ATAD2: variants seen among roughly 807,000 people sequenced by gnomAD.
ATAD2 encodes ATPase family AAA domain-containing protein 2.
In ATAD2, 62 loss-of-function variants were observed where a neutral mutation model predicts 168.9. The ratio of observed to expected loss-of-function variants is 0.37; its 90% CI spans 0.30 to 0.45. ATAD2 has a LOEUF of 0.45. ATAD2 is among the 20% of genes least tolerant of loss of function. ATAD2 has a pLI of 1.00. For missense variants in ATAD2, 1,419 were observed against 1,667.8 expected, an observed-to-expected ratio of 0.85 and a Z score of 2.60; for synonymous variants, 613 against 571.6, an observed-to-expected ratio of 1.07 and a Z score of -1.03.
intron 1 of ATAD2, among the ~76,000 whole-genome samples, chr8:123,389,121 C>T (rs1344454995): frequency 7.3e-6 from 1 of 137,584 alleles, no homozygotes; most frequent in East Asian, 2.3e-4. Flanking sequence ...AGCCTGCTAC[C>T]ACGCCCGGCT....
Position 123,359,689 on chromosome 8 carries a change from T to G in ATAD2, c.1158-4A>C, listed in dbSNP as rs377690267. ...CCGAAAATTTAGTGGGAGGCACCTA[T>G]TTAAAAAGATTTTTTAAAACCACAC... On this transcript the variant is annotated splice_region_variant and splice_polypyrimidine_tract_variant and intron_variant, in intron 9 of 27. Coordinates refer to ENST00000287394, the MANE Select transcript of ATAD2 (RefSeq NM_014109.4). 6.2e-7 allele frequency: 1 copy of G among 1,603,208 alleles called. No individual in the cohort carries two copies. Among genetic ancestry groups the G allele is most frequent in the Non-Finnish European group, 8.5e-7 (1 of 1,172,726 alleles).
At chr8:123,357,865 A>G in intron 11 of ATAD2, 129 bp from the exon 12 acceptor site, 1 of 882,596 alleles carries the variant, frequency 1.1e-6, no homozygotes, top group East Asian at 2.8e-5. Flanking sequence ...GAATTATGGT[A>G]CAGTTTCGCA....
At chr8:123,336,646 A>T in intron 21 of ATAD2, 114 bp from the exon 22 acceptor site, 1 of 789,730 alleles carries the variant, frequency 1.3e-6, no homozygotes, top group South Asian at 3.0e-5. Flanking sequence ...AGAGATTATG[A>T]TAATATATTT....
chr8:123,401,327 C>T, upstream of ATAD2: 3 of 1,372,468 alleles, frequency 2.2e-6, no homozygotes, highest in Non-Finnish European at 3.1e-6. Flanking sequence ...GCTGTGGGCA[C>T]CTGTGAGGAT....
Position 123,320,928 on chromosome 8 carries a change from C to A in ATAD2, c.*206G>T. ...CTATTACTACAGGGTCTTGTTCTAG[C>A]AAAGTTCCAATATTTATCAGTTATC... On this transcript the variant is annotated 3_prime_UTR_variant, in exon 28 of 28. Coordinates refer to ENST00000287394, the MANE Select transcript of ATAD2 (RefSeq NM_014109.4). 1 of 514,968 alleles carries A rather than the reference C, an allele frequency of 1.9e-6. No homozygotes were observed. The highest frequency in any genetic ancestry group is 3.3e-6 in the Non-Finnish European group (1 of 300,876). The allele number at this position is 514,968 out of a possible 1,614,324, so 31.9% of individuals were successfully genotyped here.
intron 1 of ATAD2, among the ~76,000 whole-genome samples, chr8:123,386,716 G>T (rs1829655629): frequency 6.6e-6 from 1 of 152,022 alleles, no homozygotes. Context: ...CCATATTCCT[G>T]AGGATAAAAA....
intron 3 of ATAD2, 151 bp downstream of exon 3, chr8:123,372,486 G>T: frequency 1.7e-6 from 1 of 571,508 alleles, no homozygotes; most frequent in Non-Finnish European, 2.8e-6. Flanking sequence ...CTATCTTATT[G>T]TGGTGATGGC....
At chr8:123,397,239 T>TGAAAAA (rs1563869628), upstream of ATAD2, among the ~76,000 whole-genome samples, 1 of 79,626 alleles carries the variant, frequency 1.3e-5, no homozygotes. Context: ...AGACTCTGTC[T>TGAAAAA]CAAAAAAAAA....
intron 12 of ATAD2, among the ~76,000 whole-genome samples, chr8:123,356,938 G>A (rs1359701966): frequency 1.3e-5 from 2 of 152,018 alleles, no homozygotes; most frequent in Non-Finnish European, 2.9e-5. Flanking sequence ...ATATACCTTA[G>A]ATTTCACATA....
chr8:123,402,144 C>T lies in ATAD2; in HGVS notation c.-2281-969G>A. On this transcript the variant is annotated intron_variant, in intron 1 of 28. Coordinates refer to the ATAD2 transcript ENST00000521903. The surrounding 1 kb of genome is among the most constrained non-coding windows in gnomAD (Gnocchi z 4.8). ...AGGCCGAGGTGGTGGAGGGGGCACC[C>T]CCCAGTGTCCACCTTCGGGCATAGC... 1.3e-6 allele frequency: 1 copy of T among 749,824 alleles called. No homozygotes were observed. Among genetic ancestry groups the T allele is most frequent in the Non-Finnish European group, 2.4e-6 (1 of 423,620 alleles). The allele number at this position is 749,824 out of a possible 1,614,324, so 46.4% of individuals were successfully genotyped here.
In ATAD2 at chr8:123,361,408, A is replaced by G. The variant is rs1364816748; in HGVS notation, c.1157+131T>C. On this transcript the variant is annotated intron_variant, in intron 9 of 27. Coordinates refer to ENST00000287394, the MANE Select transcript of ATAD2 (RefSeq NM_014109.4). ...GATAATTCTAACAAGACAGCATTCTAGTTTATACATTAACCTGTTGTGCAA... is the reference window on the plus strand; with the variant it reads ...GATAATTCTAACAAGACAGCATTCTGGTTTATACATTAACCTGTTGTGCAA... 5.0e-6 allele frequency: 3 copies of G among 601,246 alleles called. No individual in the cohort carries two copies. The African/African-American group carries it at 5.4e-5, about 11-fold the overall frequency. The allele number at this position is 601,246 out of a possible 1,614,324, so 37.2% of individuals were successfully genotyped here.
chr8:123,400,086 C>T (rs1812976256), upstream of ATAD2, among the ~76,000 whole-genome samples: 1 of 152,122 alleles, frequency 6.6e-6, no homozygotes, highest in Admixed American at 6.5e-5. The surrounding 1 kb of genome is among the most constrained non-coding windows in gnomAD (Gnocchi z 4.5). Context: ...ACTGCTTGAA[C>T]CCGTGAGGCA....
At chr8:123,401,542 G>T (rs1813000074) in intron 1 of ATAD2, 1 of 1,549,588 alleles carries the variant, frequency 6.5e-7, no homozygotes, top group Non-Finnish European at 8.8e-7. Context: ...CTGTGTGTGG[G>T]CATAGGCTGC....
At chr8:123,407,725 C>T (rs1385876911) in intron 1 of ATAD2, among the ~76,000 whole-genome samples, 2 of 152,042 alleles carry the variant, frequency 1.3e-5, no homozygotes, top group African/African-American at 2.4e-5. Flanking sequence ...TGGTGGCACA[C>T]GACTGTAATC....
intron 17 of ATAD2, 128 bp from the exon 18 acceptor site, chr8:123,346,400 T>A: frequency 9.7e-7 from 1 of 1,029,340 alleles, no homozygotes; most frequent in Non-Finnish European, 1.4e-6. Flanking sequence ...ATAACATGGT[T>A]CACATAGTTT....
chr8:123,361,429 T>C, intron 9 of ATAD2, 110 bp downstream of exon 9: 1 of 749,916 alleles, frequency 1.3e-6, no homozygotes. Flanking sequence ...TAACCTGTTG[T>C]GCAACTTTTT....
Position 123,345,063 on chromosome 8 carries a change from G to C in ATAD2, c.2539C>G (p.Arg847Gly). 6.2e-7 allele frequency: 1 copy of C among 1,605,896 alleles called. No individual in the cohort carries two copies. Among genetic ancestry groups the C allele is most frequent in the African/African-American group, 1.3e-5 (1 of 74,888 alleles). ...CTTGGTGCTGTTCTCTTAGCTTCAC[G>C]AATCACCTAGTAGAGAGAGAACAAA... ...SPEETCAQVIREAKRTAPSIV... is the reference protein window; with the variant it reads ...SPEETCAQVIGEAKRTAPSIV... The change falls in exon 19 of 28, where the codon CGT (arginine) becomes GGT (glycine). Residue 847 changes from arginine to glycine, a missense_variant. Physicochemically the swap from Arg to Gly is moderately radical, Grantham distance 125 (BLOSUM62 -2). Transcript: ENST00000287394.
intron 6 of ATAD2, 91 bp from the exon 7 acceptor site, chr8:123,370,115 C>T: frequency 1.8e-6 from 2 of 1,097,932 alleles, no homozygotes; most frequent in Non-Finnish European, 2.6e-6. Flanking sequence ...AAGATCCACC[C>T]TTTTAAAACT....
At chr8:123,401,622 C>A in intron 1 of ATAD2, 1 of 1,009,090 alleles carries the variant, frequency 9.9e-7, no homozygotes, top group Non-Finnish European at 1.6e-6. Context: ...TACAAGGTGG[C>A]TGAGTATGCC....
Sources: gnomAD v4.1 joint callset for allele counts (sites outside exome capture counted in the v4.1 genomes callset) on GRCh38, gnomAD v4.1.1 for gene constraint, Gnocchi (gnomAD v3.1) non-coding constraint, MANE v1.5 for transcripts, NCBI Gene and HGNC (gene_info 2026-07-23, HGNC 2026-07-21) for gene names.